Variants in GINS1 observed in about 807,000 individuals in gnomAD.
The protein encoded by GINS1 is GINS complex subunit 1, also known as DNA replication complex GINS protein PSF1.
In GINS1, 26 loss-of-function variants were observed where a neutral mutation model predicts 34.9. The observed-to-expected ratio is 0.74, with a 90% confidence interval of 0.55 to 1.03. GINS1 has a LOEUF of 1.03. GINS1 is among the 50% of genes least tolerant of loss of function. The pLI, the probability that GINS1 is intolerant of heterozygous loss-of-function variation, is 0.00. For missense variants in GINS1, 235 were observed against 237.9 expected (o/e 0.99, Z 0.08); for synonymous variants, 97 against 84.4 (o/e 1.15, Z -0.82).
At chr20:25,409,056 G>A in intron 1 of GINS1, 1 of 983,072 alleles carries the variant, frequency 1.0e-6, no homozygotes, top group Non-Finnish European at 1.2e-6. Context: ...CAAGGATGAG[G>A]TTACTGATCT....
At chr20:25,415,271 A>G (rs2090313193) in intron 2 of GINS1, among the ~76,000 whole-genome samples, 1 of 152,234 alleles carries the variant, frequency 6.6e-6, no homozygotes, top group South Asian at 2.1e-4. Context: ...CAGTAAATAT[A>G]AGGCAGATTT....
intron 6 of GINS1, among the ~76,000 whole-genome samples, chr20:25,443,849 T>G (rs1273277656): frequency 1.3e-5 from 2 of 152,172 alleles, no homozygotes; most frequent in Admixed American, 1.3e-4. Flanking sequence ...AATGGAGGCA[T>G]GAAAAAGAAA....
chr20:25,413,106 C>T (rs562856709), intron 1 of GINS1, among the ~76,000 whole-genome samples: 1 of 150,674 alleles, frequency 6.6e-6, no homozygotes, highest in African/African-American at 2.4e-5. Flanking sequence ...GTTGCTCAGG[C>T]TGGAGTGCAA....
chr20:25,441,771 A>G lies in GINS1; in HGVS notation c.517A>G (p.Ser173Gly). The stretch of plus-strand genomic sequence containing the variant: ...CACTTCAGTCCTATTAAAAAAAAAT[A>G]GCCAGGTATTTCTTATCTTCAGATT... ...DGTSVLLKKN[S>G]QHFLPRWKCE... The change falls in exon 6 of 7, where the codon AGC becomes GGC. Residue 173 changes from serine to glycine, a missense_variant. By Grantham distance (56) the Ser-to-Gly change is moderately conservative (BLOSUM62 0). Coordinates refer to ENST00000262460, the MANE Select transcript of GINS1 (RefSeq NM_021067.5). 6.7e-7 allele frequency: 1 copy of G among 1,484,660 alleles called. No individual in the cohort carries two copies. Among genetic ancestry groups the G allele is most frequent in the Non-Finnish European group, 9.3e-7 (1 of 1,070,080 alleles). The allele number at this position is 1,484,660 out of a possible 1,614,324, so 92.0% of individuals were successfully genotyped here.
intron 4 of GINS1, among the ~76,000 whole-genome samples, chr20:25,423,089 T>C (rs2090366421): frequency 6.6e-6 from 1 of 151,566 alleles, no homozygotes; most frequent in Non-Finnish European, 1.5e-5. Context: ...GCTTATTCCT[T>C]TTTAATGCTG....
At chr20:25,439,465 G>A (rs1485958002) in intron 5 of GINS1, among the ~76,000 whole-genome samples, 2 of 152,000 alleles carry the variant, frequency 1.3e-5, no homozygotes, top group African/African-American at 4.8e-5. Context: ...TTGAGACCAG[G>A]TGTTCAAGCC....
chr20:25,417,260 AC>A, intron 3 of GINS1, 58 bp downstream of exon 3: 2 of 808,552 alleles, frequency 2.5e-6, no homozygotes, highest in Non-Finnish European at 4.4e-6. Flanking sequence ...TTCCCAGTTG[AC>A]CATCTCAAAT....
At chr20:25,428,296 T>G (rs1471327056) in intron 5 of GINS1, among the ~76,000 whole-genome samples, 3 of 152,118 alleles carry the variant, frequency 2.0e-5, no homozygotes, top group Non-Finnish European at 4.4e-5. Flanking sequence ...ACATTTGCAT[T>G]TCGGTCTTTG....
intron 5 of GINS1, among the ~76,000 whole-genome samples, chr20:25,428,289 T>G (rs2090403991): frequency 6.6e-6 from 1 of 152,128 alleles, no homozygotes; most frequent in African/African-American, 2.4e-5. Context: ...TTGTTTTACA[T>G]TTGCATTTCG....
At chr20:25,427,673 TG>T (rs1292788480) in intron 5 of GINS1, among the ~76,000 whole-genome samples, 1 of 152,184 alleles carries the variant, frequency 6.6e-6, no homozygotes, top group Non-Finnish European at 1.5e-5. Flanking sequence ...AGGGTTTTGT[TG>T]TTGTGGAGAT....
At chr20:25,436,751 C>T (rs1336554088) in intron 5 of GINS1, among the ~76,000 whole-genome samples, 2 of 152,166 alleles carry the variant, frequency 1.3e-5, no homozygotes, top group Non-Finnish European at 2.9e-5. Context: ...ATCTTTAAAA[C>T]TCTTGTTGTA....
At chr20:25,417,954 T>G (rs1050558949) in intron 3 of GINS1, 151 bp from the exon 4 acceptor site, 1 of 639,568 alleles carries the variant, frequency 1.6e-6, no homozygotes, top group Non-Finnish European at 2.9e-6. Flanking sequence ...GGACAGTGCC[T>G]TCAGGTCGAC....
At chr20:25,413,527 G>C (rs935077609) in intron 1 of GINS1, 1 of 428,688 alleles carries the variant, frequency 2.3e-6, no homozygotes, top group African/African-American at 2.0e-5. Context: ...GAGTCATATG[G>C]TAATTCTGTG....
intron 4 of GINS1, among the ~76,000 whole-genome samples, 154 bp downstream of exon 4, chr20:25,418,349 A>G (rs990655325): frequency 6.6e-6 from 1 of 152,184 alleles, no homozygotes; most frequent in African/African-American, 2.4e-5. Flanking sequence ...GAGGGGAACT[A>G]TGTGGTGAGG....
At chr20:25,414,143 T>C (rs899715353) in intron 2 of GINS1, among the ~76,000 whole-genome samples, 1 of 140,394 alleles carries the variant, frequency 7.1e-6, no homozygotes, top group Admixed American at 7.6e-5. Flanking sequence ...TGAGCTGAGA[T>C]TGCACCACTT....
chr20:25,409,116 C>A, intron 1 of GINS1: 2 of 753,910 alleles, frequency 2.7e-6, no homozygotes, highest in Non-Finnish European at 3.2e-6. Context: ...CACAAAGTCA[C>A]GTGGTCACAC....
In GINS1 at chr20:25,448,127, T is replaced by C. The variant is rs1188441770; in HGVS notation, c.*2136T>C. The C allele has an allele frequency of 6.6e-6, 1 of 152,134 alleles. No homozygotes were observed. Among genetic ancestry groups the C allele is most frequent in the Admixed American group, 6.6e-5 (1 of 15,256 alleles). The allele number at this position is 152,134 out of a possible 1,614,324, so 9.4% of individuals were successfully genotyped here. On this transcript the variant is annotated 3_prime_UTR_variant, in exon 7 of 7. Transcript: ENST00000262460. ...GCCTGGGTGACAAAGTGAGACTCTA[T>C]CTCAAAAAGAAATTAGGATCAATTT...
intron 4 of GINS1, among the ~76,000 whole-genome samples, chr20:25,420,252 G>A (rs1303907794): frequency 6.6e-6 from 1 of 151,882 alleles, no homozygotes; most frequent in African/African-American, 2.4e-5. Flanking sequence ...TCCTGCCTCA[G>A]CATCCCGAGT....
intron 5 of GINS1, among the ~76,000 whole-genome samples, chr20:25,440,276 T>C (rs2090475292): frequency 6.6e-6 from 1 of 152,010 alleles, no homozygotes; most frequent in African/African-American, 2.4e-5. Flanking sequence ...GCTGGGATTA[T>C]AGGCATGAGC....
Sources: allele counts gnomAD v4.1 joint callset (sites outside exome capture counted in the v4.1 genomes callset), GRCh38; gene constraint gnomAD v4.1.1; transcripts MANE v1.5; gene names NCBI Gene and HGNC (gene_info 2026-07-23, HGNC 2026-07-21).